CRLF2: variants seen among roughly 807,000 people sequenced by gnomAD.
The protein encoded by CRLF2 is cytokine receptor like factor 2.
Under a neutral mutation model 38.7 loss-of-function variants are expected in CRLF2, and 41 were observed. That is an observed-to-expected ratio of 1.06 (90% CI 0.83 to 1.37). The LOEUF is 1.37. Ranked by LOEUF, CRLF2 falls within the 40% of genes most tolerant of loss-of-function variation. The pLI, the probability that CRLF2 is intolerant of heterozygous loss-of-function variation, is 0.00. For missense variants in CRLF2, 377 were observed against 322.2 expected, an observed-to-expected ratio of 1.17 and a Z score of -1.30; for synonymous variants, 140 against 128.8, an observed-to-expected ratio of 1.09 and a Z score of -0.59.
intron 5 of CRLF2, among the ~76,000 whole-genome samples, 193 bp from the exon 6 acceptor site, chrX:1,197,093 C>A (rs1291457618): frequency 8.4e-6 from 1 of 118,632 alleles, no homozygotes; most frequent in Non-Finnish European, 1.7e-5. Context: ...AAATCTTTTA[C>A]TTTTTTTTTT....
rs374923151 is a variant in CRLF2, at chrX:1,197,706, T to A, written c.647-806A>T. On this transcript the variant is annotated intron_variant, in intron 5 of 7. Transcript: ENST00000400841. ...GTGCGTGCCTGTAGTCCCAGCTACTTGGGAGGCTGAGGCAGGAGAATCACT... is the reference window on the plus strand; with the variant it reads ...GTGCGTGCCTGTAGTCCCAGCTACTAGGGAGGCTGAGGCAGGAGAATCACT... 2.9e-4 allele frequency among the ~76,000 whole-genome samples: 44 copies of A among 151,736 alleles called. No homozygotes were observed. The South Asian group carries it at 8.7e-3, about 30-fold the overall frequency.
chrX:1,208,374 T>C (rs750309079), intron 2 of CRLF2, among the ~76,000 whole-genome samples: 1 of 152,090 alleles, frequency 6.6e-6, no homozygotes, highest in South Asian at 2.1e-4. Context: ...GCCTGACCAA[T>C]ATGGTGAATC....
chrX:1,192,016 T>C (rs1302545026), intron 7 of CRLF2, among the ~76,000 whole-genome samples: 10,481 of 143,148 alleles, frequency 0.073, 902 homozygotes, highest in African/African-American at 0.2. Flanking sequence ...CCATCCCGAC[T>C]AACATGGTGA....
chrX:1,198,745 A>ACACG, intron 4 of CRLF2, 21 bp from the exon 5 acceptor site: 2 of 1,167,726 alleles, frequency 1.7e-6, no homozygotes, highest in Non-Finnish European at 2.5e-6. Context: ...ATACACACAC[A>ACACG]CACACACACA....
chrX:1,207,697 G>A (rs1456795636), intron 2 of CRLF2, among the ~76,000 whole-genome samples: 9 of 151,150 alleles, frequency 6.0e-5, no homozygotes, highest in Non-Finnish European at 8.8e-5. Context: ...TCGCTCTGTC[G>A]GCCAGGCTGG....
intron 3 of CRLF2, 97 bp from the exon 4 acceptor site, chrX:1,202,632 C>G (rs2086628553): frequency 1.5e-6 from 2 of 1,328,292 alleles, no homozygotes; most frequent in Non-Finnish European, 2.1e-6. Flanking sequence ...CCCCTCCTCC[C>G]CTTAATACCT....
At position 1,196,715 on chromosome X, in the gene CRLF2, T is replaced by A. The variant is rs187834461; in HGVS notation, c.767+65A>T. On this transcript the variant is annotated intron_variant, in intron 6 of 7. Coordinates refer to ENST00000400841, the MANE Select transcript of CRLF2 (RefSeq NM_022148.4). ...GACTCTATCAGGCGATTAATCTTTT[T>A]TCGTACTTCACAGACATTGTGCAAG... 39 of 1,577,964 alleles carry A rather than the reference T, an allele frequency of 2.5e-5. No homozygotes were observed. The East Asian group carries it at 7.9e-4, about 32-fold the overall frequency.
chrX:1,209,787 C>G (rs1273840590), intron 1 of CRLF2, among the ~76,000 whole-genome samples: 4 of 151,994 alleles, frequency 2.6e-5, no homozygotes, highest in Admixed American at 1.3e-4. Flanking sequence ...CTGTCTTTCT[C>G]AAAACACCAC....
At chrX:1,192,711 TC>T (rs1278939407) in intron 7 of CRLF2, among the ~76,000 whole-genome samples, 3 of 17,756 alleles carry the variant, frequency 1.7e-4, no homozygotes, top group African/African-American at 6.1e-4. Context: ...TCTTTTCTTT[TC>T]TTTCTTTCTT....
In CRLF2 at chrX:1,209,440, T is replaced by C. The variant is rs1384028743; in HGVS notation, c.80-532A>G. 5.4e-5 allele frequency among the ~76,000 whole-genome samples: 8 copies of C among 149,280 alleles called. No individual in the cohort carries two copies. In the East Asian group the frequency reaches 1.6e-3, roughly 30 times the overall value. On this transcript the variant is annotated intron_variant, in intron 1 of 7. Transcript: ENST00000400841. ...TCCGCCTCCCGGGTTCACGCCATTC[T>C]CCTGCCTCAGCCTCCCGAGTAGCTG...
intron 1 of CRLF2, among the ~76,000 whole-genome samples, chrX:1,209,553 G>C (rs183742030): frequency 0.17 from 25,817 of 151,010 alleles, 2,219 homozygotes; most frequent in Admixed American, 0.26. Context: ...GGATGGTCTC[G>C]ATCTCCTGAC....
chrX:1,197,268 T>A (rs1273284428), intron 5 of CRLF2, among the ~76,000 whole-genome samples: 1 of 149,264 alleles, frequency 6.7e-6, no homozygotes, highest in African/African-American at 2.5e-5. Context: ...AATTTTTGTA[T>A]TTTTAGTAGA....
intron 3 of CRLF2, among the ~76,000 whole-genome samples, chrX:1,203,047 G>A (rs1157519296): frequency 1.5e-5 from 2 of 137,826 alleles, no homozygotes; most frequent in Non-Finnish European, 3.0e-5. Flanking sequence ...GCGGTGAGCC[G>A]AGATTGAACC....
chrX:1,192,065 T>A (rs1167936915), intron 7 of CRLF2, among the ~76,000 whole-genome samples: 1 of 146,860 alleles, frequency 6.8e-6, no homozygotes, highest in African/African-American at 2.5e-5. Flanking sequence ...ATCAGCCGGG[T>A]GTGGTGGCGG....
chrX:1,212,622 C>T lies in CRLF2; in HGVS notation c.13G>A (p.Val5Ile). 3 of 1,612,344 alleles carry T rather than the reference C, an allele frequency of 1.9e-6. No homozygotes were observed. The highest frequency in any genetic ancestry group is 2.5e-6 in the Non-Finnish European group (3 of 1,178,898). Residue 5 changes from valine to isoleucine, a missense_variant, in exon 1 of 8, where the codon GTT (valine) becomes ATT (isoleucine). Coordinates refer to ENST00000400841, the MANE Select transcript of CRLF2 (RefSeq NM_022148.4). MGRL[V>I]LLWGAAVFLL... The stretch of plus-strand genomic sequence containing the variant: ...AAGACGGCAGCTCCCCACAGCAGAA[C>T]CAGCCGCCCCATGCCTGAAACAGGA...
intron 7 of CRLF2, among the ~76,000 whole-genome samples, chrX:1,191,361 C>CCTTTCTTTCTTTCTTTCTTT (rs2086377399): frequency 8.2e-5 from 6 of 73,200 alleles, no homozygotes; most frequent in African/African-American, 2.6e-4. Flanking sequence ...TTCTTTCTTT[C>CCTTTCTTTCTTTCTTTCTTT]CTTTCTTTCT....
rs1214618261 is a variant in CRLF2 at position 1,212,588 on chromosome X, C to A, written c.47G>T (p.Gly16Val). 1.2e-6 allele frequency: 2 copies of A among 1,612,728 alleles called. No homozygotes were observed. Among genetic ancestry groups the A allele is most frequent in the African/African-American group, 2.7e-5 (2 of 74,710 alleles). The change falls in exon 1 of 8, where the codon GGA becomes GTA. Residue 16 changes from glycine (G) to valine (V), a missense_variant. Gly to Val is a moderately radical substitution (Grantham distance 109). Coordinates refer to ENST00000400841, the MANE Select transcript of CRLF2 (RefSeq NM_022148.4). ...TCCTTGCCCCAAAGCCATCCAGCCT[C>A]CCAGCAGAAAGACGGCAGCTCCCCA... ...LLWGAAVFLL[G>V]GWMALGQGGA...
At chrX:1,198,812 G>A (rs1206506704) in intron 4 of CRLF2, 88 bp from the exon 5 acceptor site, 3 of 1,299,348 alleles carry the variant, frequency 2.3e-6, no homozygotes, top group Non-Finnish European at 3.2e-6. Context: ...TGTCTGTCCA[G>A]AGTTTTCCTT....
rs192815851 is a variant in CRLF2 at position 1,196,947 on chromosome X, G to A, written c.647-47C>T. On this transcript the variant is annotated intron_variant, in intron 5 of 7. Transcript: ENST00000400841. ...GCTGTCAGTTTTCAACATGACGTGCGGCTGTACGTTTTCAACGTGATGTTA... is the reference window on the plus strand; with the variant it reads ...GCTGTCAGTTTTCAACATGACGTGCAGCTGTACGTTTTCAACGTGATGTTA... 80 of 1,579,082 alleles carry A rather than the reference G, an allele frequency of 5.1e-5. No homozygotes were observed. The East Asian group carries it at 7.9e-4, about 16-fold the overall frequency.
Sources: allele counts gnomAD v4.1 joint callset (sites outside exome capture counted in the v4.1 genomes callset), GRCh38; gene constraint gnomAD v4.1.1; transcripts MANE v1.5; gene names NCBI Gene and HGNC (gene_info 2026-07-23, HGNC 2026-07-21).